Variants in PRELID2 observed in about 807,000 individuals in gnomAD.
PRELID2 encodes PRELI domain-containing protein 2.
Under a neutral mutation model 28.4 loss-of-function variants are expected in PRELID2, and 25 were observed. That is an observed-to-expected ratio of 0.88 (90% CI 0.64 to 1.23). The LOEUF is 1.23. PRELID2 is among the 50% of genes most tolerant of loss of function. PRELID2 has a pLI of 0.00. For missense variants in PRELID2, 201 were observed against 214.4 expected (o/e 0.94, Z 0.39); for synonymous variants, 76 against 71.6 (o/e 1.06, Z -0.31).
chr5:145,467,930 A>G (rs1018786474), downstream of PRELID2, among the ~76,000 whole-genome samples: 1 of 150,934 alleles, frequency 6.6e-6, no homozygotes, highest in African/African-American at 2.4e-5. Context: ...ATATTTTTTT[A>G]TTATACTTTA....
chr5:145,371,027 G>T, the PRELID2 span, among the ~76,000 whole-genome samples: 1 of 152,058 alleles, frequency 6.6e-6, no homozygotes, highest in African/African-American at 2.4e-5. Context: ...CTGAGATGGG[G>T]TTTTCTAAAT....
At chr5:145,391,537 C>T in the PRELID2 span, among the ~76,000 whole-genome samples, 1 of 152,136 alleles carries the variant, frequency 6.6e-6, no homozygotes, top group Non-Finnish European at 1.5e-5. Flanking sequence ...ACCTAGGCTT[C>T]CAGTTTTATG....
chr5:145,496,504 G>T (rs1414133395), intron 1 of PRELID2, among the ~76,000 whole-genome samples: 1 of 152,172 alleles, frequency 6.6e-6, no homozygotes, highest in Non-Finnish European at 1.5e-5. Context: ...AAGGAACCAA[G>T]AGGGATTGGC....
chr5:145,786,255 T>C (rs1751987272), intron 5 of PRELID2, among the ~76,000 whole-genome samples: 1 of 152,234 alleles, frequency 6.6e-6, no homozygotes, highest in Non-Finnish European at 1.5e-5. Flanking sequence ...ATGTGGCTCC[T>C]AGTGACCTGT....
At chr5:145,624,626 A>T (rs1753818767) in intron 1 of PRELID2, among the ~76,000 whole-genome samples, 1 of 152,266 alleles carries the variant, frequency 6.6e-6, no homozygotes, top group East Asian at 1.9e-4. Flanking sequence ...AGTAAGAAAC[A>T]AAACTGTAAA....
the PRELID2 span, among the ~76,000 whole-genome samples, chr5:145,386,145 C>A: frequency 6.6e-6 from 1 of 151,966 alleles, no homozygotes; most frequent in African/African-American, 2.4e-5. Context: ...GAAAGGGAAG[C>A]AAACACGTTC....
At chr5:145,835,036 C>G (rs1755844372) in intron 1 of PRELID2, 141 bp downstream of exon 1, 1 of 599,732 alleles carries the variant, frequency 1.7e-6, no homozygotes, top group African/African-American at 1.9e-5. Flanking sequence ...GGAAATCCCT[C>G]TCGACCCACA....
chr5:145,256,395 T>C, the PRELID2 span, among the ~76,000 whole-genome samples: 1 of 152,076 alleles, frequency 6.6e-6, no homozygotes, highest in Non-Finnish European at 1.5e-5. Context: ...GTCATTTCTA[T>C]GTCTGTTTCT....
the PRELID2 span, among the ~76,000 whole-genome samples, chr5:145,426,239 T>C: frequency 6.6e-6 from 1 of 152,170 alleles, no homozygotes; most frequent in African/African-American, 2.4e-5. Context: ...ATCTATATTC[T>C]CTAAAACAGA....
At chr5:145,461,311 T>G in the PRELID2 span, among the ~76,000 whole-genome samples, 5 of 144,434 alleles carry the variant, frequency 3.5e-5, no homozygotes, top group South Asian at 4.6e-4. Context: ...TTCTTCTTCT[T>G]TTTTTTTGAG....
chr5:145,390,461 C>T, the PRELID2 span, among the ~76,000 whole-genome samples: 10 of 152,240 alleles, frequency 6.6e-5, no homozygotes, highest in South Asian at 1.0e-3. Flanking sequence ...CCAAGTGAAG[C>T]GGGGAAGCCC....
At chr5:145,491,455 G>A (rs945619914) in intron 1 of PRELID2, among the ~76,000 whole-genome samples, 2 of 152,094 alleles carry the variant, frequency 1.3e-5, no homozygotes, top group East Asian at 3.8e-4. Flanking sequence ...TGTATTTACT[G>A]TGTACAAATA....
intron 1 of PRELID2, among the ~76,000 whole-genome samples, chr5:145,740,212 CAAAGA>C (rs1756617941): frequency 7.9e-6 from 1 of 126,560 alleles, no homozygotes; most frequent in Admixed American, 9.2e-5. Flanking sequence ...AGATTTAGTG[CAAAGA>C]AAAGTACTAG....
intron 1 of PRELID2, among the ~76,000 whole-genome samples, chr5:145,518,021 T>C (rs552598960): frequency 2.0e-5 from 3 of 151,996 alleles, no homozygotes; most frequent in East Asian, 3.9e-4. Flanking sequence ...CCGATAGCAT[T>C]AGGAGAAATA....
Position 145,775,743 on chromosome 5 carries a change from T to C in PRELID2, c.475-10743A>G, listed in dbSNP as rs576766189. Among the ~76,000 whole-genome samples the C allele has an allele frequency of 2.6e-5, 4 of 152,316 alleles. No individual in the cohort carries two copies. The South Asian group carries it at 8.3e-4, about 32-fold the overall frequency. On this transcript the variant is annotated intron_variant, in intron 5 of 6. Coordinates refer to ENST00000683046, the MANE Select transcript of PRELID2 (RefSeq NM_205846.3). ...CAAAACCCACAGTGGGTGAATGAAG[T>C]ACAAGGTTAGCCAGAGTGCTGTCAT...
At chr5:145,816,195 GCCTCAGCCA>G (rs1321147731) in intron 4 of PRELID2, among the ~76,000 whole-genome samples, 3 of 146,902 alleles carry the variant, frequency 2.0e-5, no homozygotes, top group Non-Finnish European at 4.4e-5. Flanking sequence ...CTATTCTCGT[GCCTCAGCCA>G]CCCATATAGT....
At chr5:145,411,371 C>A in the PRELID2 span, among the ~76,000 whole-genome samples, 48 of 152,292 alleles carry the variant, frequency 3.2e-4, no homozygotes, top group African/African-American at 1.0e-3. Context: ...GCACCTCCCA[C>A]AACATGCGGG....
At chr5:145,494,593 A>G (rs1283087748) in intron 1 of PRELID2, among the ~76,000 whole-genome samples, 1 of 152,170 alleles carries the variant, frequency 6.6e-6, no homozygotes, top group Non-Finnish European at 1.5e-5. Flanking sequence ...TCAAGTCTCC[A>G]GAGGTCATTA....
chr5:145,820,098 G>A (rs1453321549), intron 2 of PRELID2, 80 bp from the exon 3 acceptor site: 3 of 847,360 alleles, frequency 3.5e-6, no homozygotes, highest in African/African-American at 4.2e-5. Flanking sequence ...TTGCGGGGGT[G>A]GGGTTTTTTT....
Sources: allele counts gnomAD v4.1 joint callset (sites outside exome capture counted in the v4.1 genomes callset), GRCh38; gene constraint gnomAD v4.1.1; transcripts MANE v1.5; gene names NCBI Gene and HGNC (gene_info 2026-07-23, HGNC 2026-07-21).